TRPC7: variants seen among roughly 807,000 people sequenced by gnomAD.
TRPC7 encodes the protein transient receptor potential cation channel subfamily C member 7, also known as short transient receptor potential channel 7.
TRPC7 carries 42 observed loss-of-function variants against 90.1 expected under a neutral mutation model. The observed-to-expected ratio is 0.47, with a 90% CI of 0.36 to 0.60. TRPC7 has a LOEUF of 0.60. Ranked by LOEUF, TRPC7 falls within the 20% of genes least tolerant of loss-of-function variation. The pLI is 0.00. For synonymous variants in TRPC7, 451 were observed against 436.3 expected (o/e 1.03, Z -0.42); for missense variants, 955 against 1,112.3 (o/e 0.86, Z 2.01).
At chr5:136,324,026 A>G (rs1214326474) in intron 2 of TRPC7, among the ~76,000 whole-genome samples, 1 of 152,016 alleles carries the variant, frequency 6.6e-6, no homozygotes, top group Admixed American at 6.6e-5. Context: ...CAGTTTTCAC[A>G]TATGTTTTAT....
chr5:136,313,853 C>G (rs1041166776), intron 3 of TRPC7, among the ~76,000 whole-genome samples: 3 of 152,182 alleles, frequency 2.0e-5, no homozygotes, highest in Non-Finnish European at 2.9e-5. Context: ...CATTTTAATT[C>G]TGATCCAAAC....
At chr5:136,361,164 C>T (rs1275914338) in intron 1 of TRPC7, among the ~76,000 whole-genome samples, 1 of 152,124 alleles carries the variant, frequency 6.6e-6, no homozygotes, top group African/African-American at 2.4e-5. Flanking sequence ...AAATGAATCT[C>T]CCTAAAATGC....
intron 9 of TRPC7, 104 bp downstream of exon 9, chr5:136,225,930 C>T (rs1443449419): frequency 3.1e-6 from 3 of 978,082 alleles, no homozygotes; most frequent in Non-Finnish European, 4.6e-6. Context: ...CCTGGCTCCC[C>T]TTGCATGGGG....
intron 7 of TRPC7, among the ~76,000 whole-genome samples, chr5:136,236,684 G>C (rs555602368): frequency 6.6e-6 from 1 of 152,152 alleles, no homozygotes; most frequent in Non-Finnish European, 1.5e-5. Flanking sequence ...GGTCTGTCTC[G>C]GCTGGATAAC....
chr5:136,305,576 C>T lies in TRPC7; in HGVS notation c.963+10021G>A, dbSNP rs1758592817. Reference sequence around the variant, plus strand: ...CCCAACTCAGCAAACTAAAATACCTCTTAGTCTAAATAGACACTTTCACTG... The same window carrying T: ...CCCAACTCAGCAAACTAAAATACCTTTTAGTCTAAATAGACACTTTCACTG... On this transcript the variant is annotated intron_variant, in intron 3 of 11. Coordinates refer to ENST00000513104, the MANE Select transcript of TRPC7 (RefSeq NM_020389.3). 2.6e-5 allele frequency among the ~76,000 whole-genome samples: 4 copies of T among 152,240 alleles called. No individual in the cohort carries two copies. In the South Asian group the frequency reaches 8.3e-4, roughly 32 times the overall value.
At chr5:136,298,782 C>T (rs1165554844) in intron 3 of TRPC7, among the ~76,000 whole-genome samples, 1 of 152,188 alleles carries the variant, frequency 6.6e-6, no homozygotes, top group Non-Finnish European at 1.5e-5. Flanking sequence ...TCTGCCCCAT[C>T]CTGCTTCTGC....
intron 10 of TRPC7, among the ~76,000 whole-genome samples, chr5:136,218,448 T>C (rs1163045790): frequency 2.6e-5 from 4 of 152,182 alleles, no homozygotes; most frequent in Admixed American, 2.6e-4. Context: ...GTTGGTTGCC[T>C]TTTCAAGGCA....
intron 2 of TRPC7, among the ~76,000 whole-genome samples, chr5:136,354,703 A>C (rs1422771826): frequency 1.3e-5 from 2 of 152,214 alleles, no homozygotes; most frequent in Non-Finnish European, 2.9e-5. Context: ...CTACAAGACA[A>C]CCTTAAAAGT....
intron 2 of TRPC7, among the ~76,000 whole-genome samples, chr5:136,346,705 A>G (rs1338941250): frequency 6.6e-5 from 10 of 152,162 alleles, no homozygotes; most frequent in Non-Finnish European, 1.2e-4. Context: ...TTCCTAGAAT[A>G]TATGACCCAT....
At chr5:136,349,072 C>T (rs778519502) in intron 2 of TRPC7, among the ~76,000 whole-genome samples, 62 of 152,076 alleles carry the variant, frequency 4.1e-4, no homozygotes, top group Admixed American at 3.3e-3. Flanking sequence ...ATCTTTTCCA[C>T]GGAGATATTT....
At chr5:136,222,675 C>T (rs1755498429) in intron 10 of TRPC7, among the ~76,000 whole-genome samples, 1 of 152,212 alleles carries the variant, frequency 6.6e-6, no homozygotes, top group South Asian at 2.1e-4. Context: ...TAGGTCTCTT[C>T]CTGGTGACTG....
At chr5:136,349,064 C>A (rs1297991217) in intron 2 of TRPC7, among the ~76,000 whole-genome samples, 1 of 152,072 alleles carries the variant, frequency 6.6e-6, no homozygotes, top group African/African-American at 2.4e-5. Flanking sequence ...AGTGATGAAT[C>A]TTTTCCACGG....
intron 5 of TRPC7, among the ~76,000 whole-genome samples, chr5:136,258,452 G>A (rs1756753782): frequency 6.6e-6 from 1 of 152,152 alleles, no homozygotes; most frequent in Admixed American, 6.6e-5. Context: ...TTAGAGCCCA[G>A]GGCTCAAGGG....
At chr5:136,241,004 G>C (rs564026623) in intron 7 of TRPC7, among the ~76,000 whole-genome samples, 1 of 152,202 alleles carries the variant, frequency 6.6e-6, no homozygotes, top group African/African-American at 2.4e-5. Context: ...GCAGGTGGGG[G>C]TGTGTGGGCA....
intron 3 of TRPC7, among the ~76,000 whole-genome samples, chr5:136,300,040 G>T (rs1443310626): frequency 6.6e-6 from 1 of 152,036 alleles, no homozygotes; most frequent in Non-Finnish European, 1.5e-5. Context: ...TGATAACCAA[G>T]AAGAAGAAAA....
At chr5:136,222,733 A>G (rs1308546206) in intron 10 of TRPC7, among the ~76,000 whole-genome samples, 5 of 152,198 alleles carry the variant, frequency 3.3e-5, no homozygotes, top group Non-Finnish European at 5.9e-5. Context: ...GTGCAAAACT[A>G]CGAAGATAAA....
intron 2 of TRPC7, among the ~76,000 whole-genome samples, chr5:136,326,832 A>G (rs2149844462): frequency 6.6e-6 from 1 of 152,310 alleles, no homozygotes; most frequent in Non-Finnish European, 1.5e-5. Flanking sequence ...TCACAGTGAC[A>G]GATCATGGAA....
intron 1 of TRPC7, among the ~76,000 whole-genome samples, chr5:136,364,746 A>T (rs1225033426): frequency 6.6e-6 from 1 of 152,208 alleles, no homozygotes; most frequent in Non-Finnish European, 1.5e-5. Context: ...TTTGAAATGG[A>T]TGTCTAAAGG....
intron 4 of TRPC7, among the ~76,000 whole-genome samples, chr5:136,269,811 A>G (rs1757150182): frequency 6.6e-6 from 1 of 152,200 alleles, no homozygotes; most frequent in Admixed American, 6.5e-5. Context: ...CATAGGGCTC[A>G]GGATTTTTCC....
Sources: allele counts gnomAD v4.1 joint callset (sites outside exome capture counted in the v4.1 genomes callset), GRCh38; gene constraint gnomAD v4.1.1; transcripts MANE v1.5; gene names NCBI Gene and HGNC (gene_info 2026-07-23, HGNC 2026-07-21).